Variants in COL21A1 observed in about 807,000 individuals in gnomAD.
COL21A1 encodes the protein collagen alpha-1(XXI) chain.
In COL21A1, 149 loss-of-function variants were observed where a neutral mutation model predicts 137.9. The observed-to-expected ratio is 1.08, with a 90% CI of 0.95 to 1.24. The LOEUF is 1.24. Among genes scored for constraint, COL21A1 ranks in the 50% most tolerant of loss-of-function variants. The probability of loss-of-function intolerance (pLI) is 0.00; values close to 1 mark genes in which losing one functional copy is unlikely to be tolerated. For synonymous variants in COL21A1, 456 were observed against 391.5 expected, an observed-to-expected ratio of 1.16 and a Z score of -1.95; for missense variants, 1,167 against 1,158.4, an observed-to-expected ratio of 1.01 and a Z score of -0.11.
intron 1 of COL21A1, among the ~76,000 whole-genome samples, chr6:56,183,932 C>T (rs1273893380): frequency 6.6e-6 from 1 of 152,092 alleles, no homozygotes; most frequent in Non-Finnish European, 1.5e-5. Context: ...GGTTTACCTG[C>T]ATCCACTGGA....
chr6:56,176,360 G>T (rs1485758568), intron 3 of COL21A1, among the ~76,000 whole-genome samples: 1 of 151,446 alleles, frequency 6.6e-6, no homozygotes, highest in African/African-American at 2.4e-5. Flanking sequence ...TAAAATATTT[G>T]CAAACCATAT....
intron 1 of COL21A1, among the ~76,000 whole-genome samples, chr6:56,259,338 G>C (rs1049487162): frequency 6.6e-6 from 1 of 152,106 alleles, no homozygotes; most frequent in African/African-American, 2.4e-5. Context: ...ATCTCCATTT[G>C]TTGCTTTTCC....
intron 1 of COL21A1, among the ~76,000 whole-genome samples, chr6:56,195,028 G>A (rs1183203458): frequency 1.3e-5 from 2 of 152,078 alleles, no homozygotes; most frequent in Non-Finnish European, 1.5e-5. Flanking sequence ...AAAAGGAAAA[G>A]AGACCTCAGC....
At chr6:56,070,856 T>A (rs954192403) in intron 20 of COL21A1, 58 bp from the exon 21 acceptor site, 11 of 1,240,794 alleles carry the variant, frequency 8.9e-6, no homozygotes, top group Non-Finnish European at 1.3e-5. Context: ...ATAATATATC[T>A]GATATAGACA....
chr6:56,188,398 A>G (rs1778437331), intron 1 of COL21A1, among the ~76,000 whole-genome samples: 1 of 152,208 alleles, frequency 6.6e-6, no homozygotes, highest in Non-Finnish European at 1.5e-5. Flanking sequence ...AGGACAATCA[A>G]TATACAAGTT....
intron 10 of COL21A1, among the ~76,000 whole-genome samples, chr6:56,153,787 C>T (rs3996940): frequency 0.77 from 116,888 of 152,036 alleles, 45,611 homozygotes; most frequent in East Asian, 0.9. Flanking sequence ...CCCATCTCAC[C>T]GATAAGTCCT....
At chr6:56,095,356 CA>C (rs1238476697) in intron 17 of COL21A1, among the ~76,000 whole-genome samples, 1 of 152,126 alleles carries the variant, frequency 6.6e-6, no homozygotes, top group Non-Finnish European at 1.5e-5. Flanking sequence ...AATGGATCCT[CA>C]AGCCCTGCTA....
chr6:56,202,605 T>C (rs1366781194), intron 1 of COL21A1, among the ~76,000 whole-genome samples: 4 of 152,348 alleles, frequency 2.6e-5, no homozygotes, highest in Middle Eastern at 3.4e-3. Context: ...TACAGTGGTA[T>C]CCACCTAAGT....
At chr6:56,163,474 G>A (rs1776337103) in intron 9 of COL21A1, among the ~76,000 whole-genome samples, 1 of 152,198 alleles carries the variant, frequency 6.6e-6, no homozygotes, top group Non-Finnish European at 1.5e-5. Flanking sequence ...ACTTTGGGAG[G>A]TGGAGGCGGG....
intron 3 of COL21A1, among the ~76,000 whole-genome samples, chr6:56,175,996 T>C (rs986498620): frequency 1.3e-5 from 2 of 152,134 alleles, no homozygotes; most frequent in African/African-American, 4.8e-5. Context: ...AATGAAATTA[T>C]CTTTGACAAG....
chr6:56,158,901 T>C (rs1561929214), intron 9 of COL21A1, among the ~76,000 whole-genome samples: 1 of 152,224 alleles, frequency 6.6e-6, no homozygotes, highest in Non-Finnish European at 1.5e-5. Context: ...CTGAACCATG[T>C]AATGTCTCGC....
At chr6:56,277,666 T>C (rs1355309016) in intron 1 of COL21A1, among the ~76,000 whole-genome samples, 1 of 152,218 alleles carries the variant, frequency 6.6e-6, no homozygotes, top group Non-Finnish European at 1.5e-5. Context: ...TGTCCTTAAC[T>C]CCTTGATCTT....
chr6:56,297,741 C>G (rs1764194611), intron 1 of COL21A1, among the ~76,000 whole-genome samples: 1 of 152,048 alleles, frequency 6.6e-6, no homozygotes, highest in African/African-American at 2.4e-5. Context: ...AAGTTATACA[C>G]AATGAAGTTA....
chr6:56,324,708 C>T (rs140226728), intron 1 of COL21A1, among the ~76,000 whole-genome samples: 1 of 152,092 alleles, frequency 6.6e-6, no homozygotes, highest in Non-Finnish European at 1.5e-5. Context: ...CACTTGGACA[C>T]TCTACACGAA....
intron 17 of COL21A1, among the ~76,000 whole-genome samples, chr6:56,093,506 C>G (rs1252382968): frequency 6.7e-6 from 1 of 149,350 alleles, no homozygotes; most frequent in Non-Finnish European, 1.5e-5. Context: ...TATCAACATA[C>G]CCATTCAAAA....
At chr6:56,070,176 ACT>A (rs1766620515) in intron 21 of COL21A1, among the ~76,000 whole-genome samples, 2 of 151,494 alleles carry the variant, frequency 1.3e-5, no homozygotes, top group African/African-American at 4.8e-5. Flanking sequence ...TTAGTCCAAA[ACT>A]CTGTAACATC....
chr6:56,100,931 G>A (rs1374345787), intron 17 of COL21A1, among the ~76,000 whole-genome samples: 1 of 152,160 alleles, frequency 6.6e-6, no homozygotes, highest in African/African-American at 2.4e-5. Context: ...AGGTACCTTT[G>A]ATGAATAAAA....
intron 1 of COL21A1, among the ~76,000 whole-genome samples, chr6:56,288,764 G>A (rs890411625): frequency 6.6e-6 from 1 of 152,274 alleles, no homozygotes; most frequent in Non-Finnish European, 1.5e-5. Flanking sequence ...TGAAACCTGG[G>A]GATGCACAGG....
At chr6:56,232,533 T>G (rs919595000) in intron 1 of COL21A1, among the ~76,000 whole-genome samples, 1 of 151,874 alleles carries the variant, frequency 6.6e-6, no homozygotes, top group Non-Finnish European at 1.5e-5. Context: ...CCTATCTCAT[T>G]GTTCACTCCA....
Sources: allele counts gnomAD v4.1 joint callset (sites outside exome capture counted in the v4.1 genomes callset), GRCh38; gene constraint gnomAD v4.1.1; transcripts MANE v1.5; gene names NCBI Gene and HGNC (gene_info 2026-07-23, HGNC 2026-07-21).